The following VPS53 variants were observed in gnomAD, a reference collection of about 807,000 sequenced individuals.
The protein encoded by VPS53 is vacuolar protein sorting-associated protein 53 homolog.
Under a neutral mutation model 107.0 loss-of-function variants are expected in VPS53, and 70 were observed. The observed-to-expected ratio is 0.65, with a 90% CI of 0.54 to 0.80. The LOEUF (loss-of-function observed/expected upper bound fraction) is 0.80. Ranked by LOEUF, VPS53 falls within the 30% of genes least tolerant of loss-of-function variation. VPS53 has a pLI of 0.00. For missense variants in VPS53, 917 were observed against 1,049.4 expected, an observed-to-expected ratio of 0.87 and a Z score of 1.74; for synonymous variants, 409 against 393.3, an observed-to-expected ratio of 1.04 and a Z score of -0.47.
chr17:583,711 C>T (rs902084729), intron 13 of VPS53, among the ~76,000 whole-genome samples: 2 of 151,190 alleles, frequency 1.3e-5, no homozygotes, highest in Admixed American at 6.6e-5. Flanking sequence ...GAACCAAATG[C>T]GTTCCCAGAG....
At chr17:631,713 G>T in intron 7 of VPS53, 85 bp from the exon 8 acceptor site, 1 of 1,312,572 alleles carries the variant, frequency 7.6e-7, no homozygotes, top group Non-Finnish European at 1.1e-6. Flanking sequence ...AAGGGCTGAA[G>T]TCTTTCGAGA....
intron 19 of VPS53, 71 bp from the exon 20 acceptor site, chr17:521,809 A>T (rs1908779024): frequency 7.3e-7 from 1 of 1,370,454 alleles, no homozygotes; most frequent in Non-Finnish European, 9.5e-7. Flanking sequence ...CATGCCGATG[A>T]GTCATGTTTT....
intron 7 of VPS53, among the ~76,000 whole-genome samples, chr17:644,750 CT>C (rs1193523185): frequency 6.6e-6 from 1 of 152,064 alleles, no homozygotes; most frequent in African/African-American, 2.4e-5. Flanking sequence ...CACCAGCTCA[CT>C]TTTTGTATTT....
chr17:518,879 A>C lies in VPS53; in HGVS notation c.*249T>G, dbSNP rs1908506297. The C allele has an allele frequency of 2.6e-6, 1 of 382,362 alleles. No homozygotes were observed. The highest frequency in any genetic ancestry group is 4.3e-5 in the Admixed American group (1 of 23,228). The allele number at this position is 382,362 out of a possible 1,614,324, so 23.7% of individuals were successfully genotyped here. On this transcript the variant is annotated 3_prime_UTR_variant, in exon 22 of 22. Coordinates refer to ENST00000437048, the MANE Select transcript of VPS53 (RefSeq NM_001128159.3). ...AGGGCAGCTCAGGGACCTATCCTCC[A>C]CTGCTGCCTCTGCTTCACGAACCAG...
At chr17:561,020 A>C (rs1368561217) in intron 14 of VPS53, among the ~76,000 whole-genome samples, 4 of 151,946 alleles carry the variant, frequency 2.6e-5, no homozygotes, top group Non-Finnish European at 5.9e-5. Context: ...CTGCACTGGA[A>C]CTCATGTGTG....
chr17:560,296 G>A (rs547224460), intron 15 of VPS53, 130 bp downstream of exon 15: 7 of 1,219,886 alleles, frequency 5.7e-6, no homozygotes, highest in East Asian at 2.6e-5. Flanking sequence ...GCTTTCCTCT[G>A]TGGCAGGCCA....
In VPS53 at chr17:509,799, C is replaced by T. The variant is rs1010847956; in HGVS notation, c.*9329G>A. 15 of 180,074 alleles carry T rather than the reference C, an allele frequency of 8.3e-5. No individual in the cohort carries two copies. Among genetic ancestry groups the T allele is most frequent in the South Asian group, 7.8e-4 (10 of 12,768 alleles). 11.2% of individuals were successfully genotyped at this position (180,074 alleles called of 1,614,324 possible). The stretch of plus-strand genomic sequence containing the variant: ...TAGTCACATATCAAATCCTGGCTCG[C>T]CCCTCACTAGCCACATATCAAATCC... On this transcript the variant is annotated 3_prime_UTR_variant, in exon 22 of 22. Coordinates refer to ENST00000437048, the MANE Select transcript of VPS53 (RefSeq NM_001128159.3).
Position 519,765 on chromosome 17 carries a change from G to T in VPS53, c.2328+61C>A. 7.8e-7 allele frequency: 1 copy of T among 1,284,462 alleles called. No individual in the cohort carries two copies. Among genetic ancestry groups the T allele is most frequent in the Non-Finnish European group, 1.1e-6 (1 of 906,188 alleles). 79.6% of individuals were successfully genotyped at this position (1,284,462 alleles called of 1,614,324 possible). On this transcript the variant is annotated intron_variant, in intron 21 of 21. Coordinates refer to ENST00000437048, the MANE Select transcript of VPS53 (RefSeq NM_001128159.3). The surrounding 1 kb of genome is among the most constrained non-coding windows in gnomAD (Gnocchi z 5.0). The stretch of plus-strand genomic sequence containing the variant: ...CCCGGAACTTATATCCCAATTCCCG[G>T]TTAAGAACCGCTGAGTGTGAGGGGG...
At chr17:710,810 T>C (rs1424017394) in intron 1 of VPS53, among the ~76,000 whole-genome samples, 197 bp from the exon 2 acceptor site, 1 of 152,008 alleles carries the variant, frequency 6.6e-6, no homozygotes, top group Non-Finnish European at 1.5e-5. Flanking sequence ...GGTGTGGTGT[T>C]GGCGCACACC....
At chr17:573,401 G>C (rs1483087370) in intron 13 of VPS53, among the ~76,000 whole-genome samples, 2 of 152,204 alleles carry the variant, frequency 1.3e-5, no homozygotes, top group South Asian at 4.1e-4. Flanking sequence ...CTGAGTACTG[G>C]CTCTGCAGTC....
intron 19 of VPS53, among the ~76,000 whole-genome samples, chr17:522,330 GT>G (rs1908822885): frequency 6.6e-6 from 1 of 152,094 alleles, no homozygotes; most frequent in Admixed American, 6.6e-5. Flanking sequence ...TTATAACCTG[GT>G]TTTCTCACTT....
At chr17:708,312 C>T (rs887881067) in intron 2 of VPS53, among the ~76,000 whole-genome samples, 2 of 152,196 alleles carry the variant, frequency 1.3e-5, no homozygotes, top group Non-Finnish European at 1.5e-5. Flanking sequence ...CACATGTCCA[C>T]GTGACAGGGG....
chr17:596,193 CTTTA>C (rs1201983250), intron 12 of VPS53, among the ~76,000 whole-genome samples: 1 of 151,990 alleles, frequency 6.6e-6, no homozygotes. Context: ...TTAGAAATAT[CTTTA>C]TTTATTTTGC....
chr17:661,931 G>C (rs1314842611), intron 4 of VPS53, 36 bp from the exon 5 acceptor site: 1 of 1,489,408 alleles, frequency 6.7e-7, no homozygotes, highest in Non-Finnish European at 9.2e-7. Flanking sequence ...ACAAAAAGTG[G>C]CTAGAGACAG....
chr17:703,504 T>G (rs1334113551), intron 2 of VPS53, among the ~76,000 whole-genome samples: 2 of 152,200 alleles, frequency 1.3e-5, no homozygotes, highest in Non-Finnish European at 2.9e-5. Flanking sequence ...TCTCCTGGAG[T>G]TGGGGAAAAG....
At position 564,534 on chromosome 17, in the gene VPS53, T is replaced by C. The variant is rs375197087; in HGVS notation, c.1314-1789A>G. Among the ~76,000 whole-genome samples, 107 of 125,750 alleles carry C rather than the reference T, an allele frequency of 8.5e-4. 1 individual carries two copies. In the East Asian group the frequency reaches 0.021, roughly 25 times the overall value. The allele number at this position is 125,750 out of a possible 152,430, so 82.5% of individuals were successfully genotyped here. On this transcript the variant is annotated intron_variant, in intron 13 of 21. Coordinates refer to ENST00000437048, the MANE Select transcript of VPS53 (RefSeq NM_001128159.3). ...CAGCCTGGGCAACAAAGTGAGACTC[T>C]GTCTCAGAAAAAAAAAAAAAAAAAA...
chr17:593,319 T>G (rs1252232298), intron 12 of VPS53, among the ~76,000 whole-genome samples: 2 of 152,054 alleles, frequency 1.3e-5, no homozygotes, highest in Admixed American at 6.6e-5. Flanking sequence ...GGGATCTAAT[T>G]AAACTAAAGA....
chr17:515,059 CTTTA>C lies in VPS53; in HGVS notation c.*4065_*4068del, dbSNP rs1316732886. The C allele has an allele frequency of 6.6e-6, 1 of 152,188 alleles. No homozygotes were observed. The highest frequency in any genetic ancestry group is 1.5e-5 in the Non-Finnish European group (1 of 68,038). 9.4% of individuals were successfully genotyped at this position (152,188 alleles called of 1,614,324 possible). ...CCCCTCAGTAAGAGCAGAGTGAACT[CTTTA>C]TTGATTATACAAATTACCACTATTT... is the stretch of plus-strand genomic sequence containing the variant. On this transcript the variant is annotated 3_prime_UTR_variant, in exon 22 of 22. Transcript: ENST00000437048.
intron 11 of VPS53, among the ~76,000 whole-genome samples, chr17:610,769 A>T (rs1373966994): frequency 3.7e-4 from 55 of 150,608 alleles, no homozygotes; most frequent in African/African-American, 1.3e-3. Flanking sequence ...AAAAAAAAAA[A>T]AATACAAAAA....
Sources: allele counts gnomAD v4.1 joint callset (sites outside exome capture counted in the v4.1 genomes callset), GRCh38; gene constraint gnomAD v4.1.1; non-coding constraint Gnocchi (gnomAD v3.1); transcripts MANE v1.5; gene names NCBI Gene and HGNC (gene_info 2026-07-23, HGNC 2026-07-21).